Variants in WDR20 observed in about 807,000 individuals in gnomAD.
WDR20 encodes the protein WD repeat domain 20, also known as WD repeat-containing protein 20.
Under a neutral mutation model 38.7 loss-of-function variants are expected in WDR20, and 3 were observed. The observed-to-expected ratio is 0.08, with a 90% CI of 0.04 to 0.20. The LOEUF (loss-of-function observed/expected upper bound fraction) is 0.20. WDR20 is among the 10% of genes least tolerant of loss of function. WDR20 has a pLI of 1.00. For missense variants in WDR20, 559 were observed against 727.7 expected, an observed-to-expected ratio of 0.77 and a Z score of 2.67; for synonymous variants, 298 against 285.6, an observed-to-expected ratio of 1.04 and a Z score of -0.44.
At chr14:102,169,365 G>C (rs2060384997) in intron 1 of WDR20, among the ~76,000 whole-genome samples, 1 of 152,070 alleles carries the variant, frequency 6.6e-6, no homozygotes, top group Admixed American at 6.6e-5. Context: ...TGTTCTTCAT[G>C]TTCCTTGCTG....
In WDR20 at chr14:102,221,307, CCTGGTT is replaced by C. The variant is rs2063865889; in HGVS notation, c.1693-1518_1693-1513del. Among the ~76,000 whole-genome samples, 3 of 152,186 alleles carry C rather than the reference CCTGGTT, an allele frequency of 2.0e-5. No homozygotes were observed. Among genetic ancestry groups the C allele is most frequent in the Admixed American group, 6.5e-5 (1 of 15,278 alleles). On this transcript the variant is annotated intron_variant, in intron 3 of 3. Transcript: ENST00000335263. This position sits in a 1 kb window ranked among gnomAD's most constrained non-coding sequence, Gnocchi z 4.8. Reference sequence around the variant, plus strand: ...GTTGCCGGGGGGAAGGGAGGTGCCTCCTGGTTCTGGAGATTTGTCACTTCCTGGACA... The same window carrying C: ...GTTGCCGGGGGGAAGGGAGGTGCCTCCTGGAGATTTGTCACTTCCTGGACA...
downstream of WDR20, chr14:102,212,782 A>G (rs1597078006): frequency 3.0e-6 from 4 of 1,345,300 alleles, no homozygotes; most frequent in South Asian, 2.0e-5. Flanking sequence ...AAATATTTGT[A>G]GTTTTCTCGC....
In WDR20 at chr14:102,223,029, A is replaced by G. The variant is rs2153073723; in HGVS notation, c.*146A>G. The stretch of plus-strand genomic sequence containing the variant: ...TAGCCGTGTGGACGGTGACCGGCTC[A>G]CTCTGCGGCGCCGTGCTCCCGCTGC... On this transcript the variant is annotated 3_prime_UTR_variant, in exon 4 of 4. Transcript: ENST00000335263. 6 of 898,834 alleles carry G rather than the reference A, an allele frequency of 6.7e-6. No homozygotes were observed. In the East Asian group the frequency reaches 1.6e-4, roughly 24 times the overall value. The allele number at this position is 898,834 out of a possible 1,614,324, so 55.7% of individuals were successfully genotyped here. A position where few individuals can be genotyped will look rare whatever the true frequency, so the allele number is the denominator to read the frequency against.
In WDR20 at chr14:102,222,977, C is replaced by A; in HGVS notation, c.*94C>A. The A allele has an allele frequency of 6.6e-7, 1 of 1,514,334 alleles. No individual in the cohort carries two copies. The highest frequency in any genetic ancestry group is 9.1e-7 in the Non-Finnish European group (1 of 1,095,794). 93.8% of individuals were successfully genotyped at this position (1,514,334 alleles called of 1,614,324 possible). On this transcript the variant is annotated 3_prime_UTR_variant, in exon 4 of 4. Coordinates refer to the WDR20 transcript ENST00000335263. This position sits in a 1 kb window ranked among gnomAD's most constrained non-coding sequence, Gnocchi z 4.4. ...GCTGCGCCTGAGCCGTGCCAGCCGG[C>A]GGACCTCAGGCGGTGGACGTCGGCG...
At chr14:102,212,582 A>T, downstream of WDR20, 1 of 1,535,786 alleles carries the variant, frequency 6.5e-7, no homozygotes, top group South Asian at 1.2e-5. Context: ...ACCAGAACTA[A>T]AAGTGCCCAA....
intron 2 of WDR20, among the ~76,000 whole-genome samples, chr14:102,205,840 G>A (rs2061438162): frequency 1.3e-5 from 2 of 151,904 alleles, no homozygotes; most frequent in Non-Finnish European, 2.9e-5. Context: ...GCTTAAACTG[G>A]TGTGCTCAGT....
At chr14:102,175,185 G>A (rs1004183095) in intron 1 of WDR20, among the ~76,000 whole-genome samples, 2 of 152,146 alleles carry the variant, frequency 1.3e-5, no homozygotes, top group East Asian at 3.8e-4. Context: ...ATGGTTTCAG[G>A]TTAGATTTAA....
chr14:102,172,015 A>G (rs1168036370), intron 1 of WDR20, among the ~76,000 whole-genome samples: 4 of 151,302 alleles, frequency 2.6e-5, no homozygotes, highest in South Asian at 2.1e-4. Context: ...AAACAAGTGA[A>G]CAAAGGTCTC....
chr14:102,172,668 C>T (rs2061134952), intron 1 of WDR20, among the ~76,000 whole-genome samples: 1 of 146,078 alleles, frequency 6.8e-6, no homozygotes, highest in South Asian at 2.2e-4. Flanking sequence ...GGGGGCTGAC[C>T]CCCCCACCTC....
downstream of WDR20, chr14:102,213,240 A>G: frequency 1.0e-6 from 1 of 985,490 alleles, no homozygotes; most frequent in Non-Finnish European, 1.2e-6. Flanking sequence ...CAGAAGGAGA[A>G]TTAAAAATTC....
At chr14:102,173,880 T>G (rs2061511143) in intron 1 of WDR20, among the ~76,000 whole-genome samples, 1 of 151,960 alleles carries the variant, frequency 6.6e-6, no homozygotes, top group Admixed American at 6.6e-5. Flanking sequence ...CCATCTCTAC[T>G]AAAAATTCAA....
chr14:102,195,636 T>C (rs1157412534), intron 2 of WDR20, among the ~76,000 whole-genome samples: 1 of 152,224 alleles, frequency 6.6e-6, no homozygotes, highest in African/African-American at 2.4e-5. Flanking sequence ...CGCTTAAAGT[T>C]TGGTCACATG....
chr14:102,218,130 C>T (rs2063449707), downstream of WDR20, among the ~76,000 whole-genome samples: 1 of 152,236 alleles, frequency 6.6e-6, no homozygotes, highest in African/African-American at 2.4e-5. Context: ...GCTAGTCTGC[C>T]CGCCCGCGTG....
downstream of WDR20, chr14:102,214,469 C>G (rs115491181): frequency 1.3e-3 from 1,237 of 985,458 alleles, 14 homozygotes; most frequent in African/African-American, 0.02. Context: ...GAACGTGCCC[C>G]TCCAGTAGAG....
intron 1 of WDR20, among the ~76,000 whole-genome samples, chr14:102,146,626 C>G (rs2053728284): frequency 6.6e-6 from 1 of 152,138 alleles, no homozygotes; most frequent in Non-Finnish European, 1.5e-5. Context: ...GGGAAATGTT[C>G]TGTCTCTTTG....
At position 102,204,256 on chromosome 14, in the gene WDR20, A is replaced by G. The variant is rs562487556; in HGVS notation, c.433-4347A>G. ...TTGAAGTTGTTCTCTGTGGGGGTAC[A>G]CTTCCCCAAACATCCTCTTAGCCTG... On this transcript the variant is annotated intron_variant, in intron 2 of 2. Coordinates refer to ENST00000342702, the MANE Select transcript of WDR20 (RefSeq NM_144574.4). Among the ~76,000 whole-genome samples, 15 of 152,154 alleles carry G rather than the reference A, an allele frequency of 9.9e-5. No homozygotes were observed. The South Asian group carries it at 2.9e-3, about 30-fold the overall frequency.
chr14:102,224,640 T>C (rs755340137), downstream of WDR20: 2 of 455,970 alleles, frequency 4.4e-6, no homozygotes, highest in South Asian at 1.5e-5. Context: ...ACCATTTGTA[T>C]GAATGCAGCC....
intron 1 of WDR20, among the ~76,000 whole-genome samples, chr14:102,153,328 A>G (rs1489371464): frequency 8.1e-6 from 1 of 123,060 alleles, no homozygotes; most frequent in Non-Finnish European, 1.7e-5. Flanking sequence ...TTTTTTTGAG[A>G]TGGAGTCTTG....
intron 2 of WDR20, among the ~76,000 whole-genome samples, chr14:102,199,179 C>G (rs1351397695): frequency 6.6e-6 from 1 of 151,856 alleles, no homozygotes; most frequent in Non-Finnish European, 1.5e-5. Context: ...AGGGCTCGGA[C>G]ACCAGCTCTG....
Sources: gnomAD v4.1 joint callset for allele counts (sites outside exome capture counted in the v4.1 genomes callset) on GRCh38, gnomAD v4.1.1 for gene constraint, Gnocchi (gnomAD v3.1) non-coding constraint, MANE v1.5 for transcripts, NCBI Gene and HGNC (gene_info 2026-07-23, HGNC 2026-07-21) for gene names.